The following LRRIQ4 variants were observed in gnomAD, a reference collection of about 807,000 sequenced individuals.
LRRIQ4 encodes leucine rich repeats and IQ motif containing 4.
Under a neutral mutation model 40.1 loss-of-function variants are expected in LRRIQ4, and 21 were observed. The ratio of observed to expected loss-of-function variants is 0.52; its 90% CI spans 0.37 to 0.75. The LOEUF is 0.75. LRRIQ4 is among the 30% of genes least tolerant of loss of function. The probability of loss-of-function intolerance (pLI) is 0.00; values close to 1 mark genes in which losing one functional copy is unlikely to be tolerated. For missense variants in LRRIQ4, 655 were observed against 660.0 expected, an observed-to-expected ratio of 0.99 and a Z score of 0.08; for synonymous variants, 277 against 277.1, an observed-to-expected ratio of 1.00 and a Z score of 0.00.
At chr3:169,828,983 A>G in intron 3 of LRRIQ4, 51 bp downstream of exon 3, 1 of 1,514,460 alleles carries the variant, frequency 6.6e-7, no homozygotes, top group Non-Finnish European at 8.9e-7. Context: ...CTGCCTCTTA[A>G]ATTGGCTGAA....
At chr3:169,835,541 C>T (rs535945497) in intron 5 of LRRIQ4, among the ~76,000 whole-genome samples, 10 of 152,058 alleles carry the variant, frequency 6.6e-5, no homozygotes, top group South Asian at 2.1e-4. Context: ...GGAAGGGGTA[C>T]ATATGGAAGC....
chr3:169,833,560 G>A (rs2108186289), intron 5 of LRRIQ4, among the ~76,000 whole-genome samples: 1 of 152,320 alleles, frequency 6.6e-6, no homozygotes, highest in South Asian at 2.1e-4. Context: ...ATGAGAGGCT[G>A]AGCCCAGGGT....
intron 1 of LRRIQ4, among the ~76,000 whole-genome samples, chr3:169,816,711 C>T (rs1226308847): frequency 1.4e-5 from 2 of 147,890 alleles, no homozygotes; most frequent in Non-Finnish European, 3.0e-5. Context: ...TGCTCTGTTG[C>T]CCAGGATGGA....
chr3:169,836,118 G>A (rs1780297452), intron 5 of LRRIQ4, among the ~76,000 whole-genome samples: 1 of 151,752 alleles, frequency 6.6e-6, no homozygotes, highest in South Asian at 2.1e-4. Flanking sequence ...AAATCTAGTA[G>A]GAGGGAAATA....
At chr3:169,828,984 A>C (rs1780104983) in intron 3 of LRRIQ4, 52 bp downstream of exon 3, 2 of 1,515,628 alleles carry the variant, frequency 1.3e-6, no homozygotes, top group Non-Finnish European at 1.8e-6. Context: ...TGCCTCTTAA[A>C]TTGGCTGAAA....
intron 3 of LRRIQ4, among the ~76,000 whole-genome samples, chr3:169,829,491 T>TTG (rs386398512): frequency 1.8e-3 from 73 of 40,740 alleles, no homozygotes; most frequent in African/African-American, 0.011. Context: ...TAAAGAACTG[T>TTG]TTTTTTTTTT....
In LRRIQ4 at chr3:169,837,523, G is replaced by A. The variant is rs1204278244; in HGVS notation, c.1575G>A (p.Gly525=). 3 of 1,609,190 alleles carry A rather than the reference G, an allele frequency of 1.9e-6. No individual in the cohort carries two copies. Among genetic ancestry groups the A allele is most frequent in the Middle Eastern group, 1.6e-4 (1 of 6,062 alleles). The part of the protein sequence containing the change: ...WRGTMVQRGF[G]KFGELLKPQK... ...GAACAATGGTACAGAGAGGATTTGGGAAATTCGGTGAACTACTAAAACCAC... is the reference window on the plus strand; with the variant it reads ...GAACAATGGTACAGAGAGGATTTGGAAAATTCGGTGAACTACTAAAACCAC... The change falls in exon 6 of 6, where the codon GGG becomes GGA. Residue 525 remains glycine, a synonymous_variant. Transcript: ENST00000340806.
At chr3:169,815,885 A>G (rs1351104591) in intron 1 of LRRIQ4, among the ~76,000 whole-genome samples, 1 of 152,250 alleles carries the variant, frequency 6.6e-6, no homozygotes. Flanking sequence ...TTCAGCATCA[A>G]TTAAAATGAT....
intron 3 of LRRIQ4, among the ~76,000 whole-genome samples, chr3:169,830,169 T>C (rs1780129071): frequency 1.3e-5 from 2 of 151,478 alleles, no homozygotes; most frequent in Admixed American, 1.3e-4. Flanking sequence ...AAAAAAGGAG[T>C]TAATGATAAA....
intron 5 of LRRIQ4, among the ~76,000 whole-genome samples, chr3:169,834,345 G>A (rs575520264): frequency 6.6e-6 from 1 of 152,330 alleles, no homozygotes; most frequent in South Asian, 2.1e-4. Flanking sequence ...CTGGGCAACA[G>A]CTGTCTCCAA....
intron 1 of LRRIQ4, among the ~76,000 whole-genome samples, chr3:169,816,224 A>C (rs1779765825): frequency 6.6e-6 from 1 of 152,162 alleles, no homozygotes; most frequent in Non-Finnish European, 1.5e-5. Context: ...GAACAGCTTG[A>C]GTAGGATTGG....
intron 2 of LRRIQ4, among the ~76,000 whole-genome samples, chr3:169,828,237 ATT>A (rs776444973): frequency 1.4e-5 from 2 of 146,652 alleles, no homozygotes; most frequent in Non-Finnish European, 3.0e-5. Context: ...AATTGCTCCA[ATT>A]TTTTTTTTTT....
At chr3:169,837,341 GA>G in intron 5 of LRRIQ4, 137 bp from the exon 6 acceptor site, 1 of 1,012,420 alleles carries the variant, frequency 9.9e-7, no homozygotes, top group Non-Finnish European at 1.4e-6. Flanking sequence ...GAGAAAGATA[GA>G]AAATAAAATT....
At chr3:169,832,679 C>T (rs1780208670) in intron 4 of LRRIQ4, among the ~76,000 whole-genome samples, 1 of 146,366 alleles carries the variant, frequency 6.8e-6, no homozygotes. Flanking sequence ...ACCTTAGGAA[C>T]AGCAGGGTCT....
At chr3:169,827,340 GCTCATGCCTGTAAT>G (rs1780061799) in intron 2 of LRRIQ4, among the ~76,000 whole-genome samples, 1 of 152,100 alleles carries the variant, frequency 6.6e-6, no homozygotes, top group Non-Finnish European at 1.5e-5. Context: ...GGGTGCGGTG[GCTCATGCCTGTAAT>G]CTCAGCACTT....
At chr3:169,825,534 C>A (rs1222872149) in intron 2 of LRRIQ4, among the ~76,000 whole-genome samples, 1 of 152,164 alleles carries the variant, frequency 6.6e-6, no homozygotes, top group Non-Finnish European at 1.5e-5. Context: ...TAAGAAATTC[C>A]TTTTAGTGGA....
chr3:169,825,818 C>A (rs1357063023), intron 2 of LRRIQ4, among the ~76,000 whole-genome samples: 2 of 152,006 alleles, frequency 1.3e-5, no homozygotes, highest in Non-Finnish European at 2.9e-5. Flanking sequence ...AGTGCTTTTT[C>A]CTCTTCAGTT....
chr3:169,822,811 G>A lies in LRRIQ4; in HGVS notation c.890G>A (p.Gly297Asp). ...AACACCGGCCTGCACAGGCTGCGGG[G>A]CTCCTTCAGGTGCCTGGTCAACTTG... ...LGNTGLHRLR[G>D]SFRCLVNLRF... is the part of the protein sequence containing the mutation. The change falls in exon 2 of 6, where the codon GGC becomes GAC. Residue 297 changes from glycine (G) to aspartate (D), a missense_variant. Coordinates refer to ENST00000340806, the MANE Select transcript of LRRIQ4 (RefSeq NM_001080460.3). 2 of 1,613,586 alleles carry A rather than the reference G, an allele frequency of 1.2e-6. No individual in the cohort carries two copies. The highest frequency in any genetic ancestry group is 8.5e-7 in the Non-Finnish European group (1 of 1,179,774).
intron 2 of LRRIQ4, among the ~76,000 whole-genome samples, chr3:169,828,319 G>T (rs1008479908): frequency 6.6e-6 from 1 of 151,600 alleles, no homozygotes; most frequent in African/African-American, 2.4e-5. Context: ...TGCAACCTCT[G>T]CCTCCCACAT....
Sources: gnomAD v4.1 joint callset for allele counts (sites outside exome capture counted in the v4.1 genomes callset) on GRCh38, gnomAD v4.1.1 for gene constraint, MANE v1.5 for transcripts, NCBI Gene and HGNC (gene_info 2026-07-23, HGNC 2026-07-21) for gene names.